MEMO1: variants seen among roughly 807,000 people sequenced by gnomAD.
MEMO1 encodes mediator of cell motility 1.
Under a neutral mutation model 45.2 loss-of-function variants are expected in MEMO1, and 6 were observed. The ratio of observed to expected loss-of-function variants is 0.13; its 90% confidence interval spans 0.07 to 0.26. MEMO1 has a LOEUF of 0.26. MEMO1 is among the 10% of genes least tolerant of loss of function. MEMO1 has a pLI of 1.00. For missense variants in MEMO1, 184 were observed against 370.5 expected (o/e 0.50, Z 4.13); for synonymous variants, 78 against 124.3 (o/e 0.63, Z 2.48).
chr2:31,869,398 T>G (rs890995900), intron 9 of MEMO1, among the ~76,000 whole-genome samples: 5 of 152,158 alleles, frequency 3.3e-5, no homozygotes, highest in Admixed American at 6.5e-5. Context: ...AAATAAACAT[T>G]ATTTTTGTTT....
chr2:31,897,400 T>G (rs192605450), intron 6 of MEMO1, among the ~76,000 whole-genome samples: 11 of 152,322 alleles, frequency 7.2e-5, no homozygotes, highest in Non-Finnish European at 1.6e-4. Context: ...CATCAATATC[T>G]AGTTTATTGA....
chr2:31,921,814 C>G (rs544535054), intron 4 of MEMO1, among the ~76,000 whole-genome samples: 58 of 152,222 alleles, frequency 3.8e-4, no homozygotes, highest in Non-Finnish European at 7.6e-4. Context: ...TATTCCCATT[C>G]AAGTAGAAGT....
intron 3 of MEMO1, among the ~76,000 whole-genome samples, chr2:31,933,348 A>ATATAT (rs869203385): frequency 2.5e-4 from 4 of 16,184 alleles, no homozygotes; most frequent in Admixed American, 1.3e-3. Flanking sequence ...AAAAAAAAAA[A>ATATAT]ATTTATATAT....
At chr2:31,870,296 T>A in intron 8 of MEMO1, among the ~76,000 whole-genome samples, 1 of 152,182 alleles carries the variant, frequency 6.6e-6, no homozygotes, top group Non-Finnish European at 1.5e-5. Context: ...TACACAAAAG[T>A]AAATCTGCTG....
At chr2:31,993,954 T>A (rs1368922307) in intron 2 of MEMO1, among the ~76,000 whole-genome samples, 3 of 120,954 alleles carry the variant, frequency 2.5e-5, no homozygotes, top group Non-Finnish European at 5.2e-5. Context: ...ACTTTCTTTT[T>A]TTTTTTTTTT....
chr2:31,917,528 T>G (rs1368365243), intron 6 of MEMO1, among the ~76,000 whole-genome samples: 2 of 152,122 alleles, frequency 1.3e-5, no homozygotes, highest in African/African-American at 4.8e-5. Flanking sequence ...TTGCACAAGG[T>G]TGAAATAAAT....
intron 2 of MEMO1, among the ~76,000 whole-genome samples, chr2:31,967,791 T>C (rs867256702): frequency 6.6e-6 from 1 of 152,204 alleles, no homozygotes; most frequent in Non-Finnish European, 1.5e-5. Flanking sequence ...TTTTTGAAAA[T>C]GTGTGTTTGT....
At chr2:31,997,436 T>C (rs1672743207) in intron 2 of MEMO1, among the ~76,000 whole-genome samples, 1 of 152,206 alleles carries the variant, frequency 6.6e-6, no homozygotes, top group Non-Finnish European at 1.5e-5. Context: ...GGTTTCACCA[T>C]GTTGGCCAGG....
intron 5 of MEMO1, among the ~76,000 whole-genome samples, chr2:31,920,276 AT>A (rs1421660778): frequency 6.6e-6 from 1 of 152,174 alleles, no homozygotes; most frequent in Non-Finnish European, 1.5e-5. Context: ...ATGGAAAAAA[AT>A]AAATCAACCA....
At chr2:31,872,047 A>AT (rs1673862261) in intron 8 of MEMO1, among the ~76,000 whole-genome samples, 1 of 151,978 alleles carries the variant, frequency 6.6e-6, no homozygotes, top group Non-Finnish European at 1.5e-5. Context: ...ACACACACAA[A>AT]GTTAAACCTA....
In MEMO1 at chr2:31,920,810, T is replaced by C; in HGVS notation, c.313A>G (p.Ile105Val). 2 of 1,591,284 alleles carry C rather than the reference T, an allele frequency of 1.3e-6. No individual in the cohort carries two copies. The highest frequency in any genetic ancestry group is 2.3e-5 in the South Asian group (2 of 88,352). The part of the protein sequence containing the change: ...IYRTPLYDLR[I>V]DQKIYGELWK... Reference sequence around the variant, plus strand: ...TCTATATACTTACTCTTTTGGTCAATACGAAGGTCATACAGAGGTGTCCTA... The same window carrying C: ...TCTATATACTTACTCTTTTGGTCAACACGAAGGTCATACAGAGGTGTCCTA... Residue 105 changes from isoleucine to valine, a missense_variant, in exon 5 of 10, where the codon ATT (isoleucine) becomes GTT (valine). Ile to Val is a conservative substitution (Grantham distance 29). Transcript: ENST00000404530.
At position 31,948,031 on chromosome 2, in the gene MEMO1, C is replaced by T. The variant is rs186183421; in HGVS notation, c.62-4648G>A. On this transcript the variant is annotated intron_variant, in intron 2 of 9. Coordinates refer to ENST00000404530, the MANE Select transcript of MEMO1 (RefSeq NM_001301833.4). ...TCTTGTTGAAATGCTGATTCTGATC[C>T]TACAGTTATACAGTAGGACTGAGAT... is the stretch of plus-strand genomic sequence containing the variant. Among the ~76,000 whole-genome samples, 162 of 152,256 alleles carry T rather than the reference C, an allele frequency of 1.1e-3. 1 individual carries two copies. The highest frequency in any genetic ancestry group is 3.6e-3 in the African/African-American group (150 of 41,540).
intron 2 of MEMO1, among the ~76,000 whole-genome samples, chr2:31,971,251 T>C (rs1669361427): frequency 6.6e-6 from 1 of 152,120 alleles, no homozygotes; most frequent in African/African-American, 2.4e-5. Context: ...AATGTAAGCA[T>C]AAACCTTTTT....
intron 2 of MEMO1, among the ~76,000 whole-genome samples, chr2:31,967,104 C>CA (rs1486370889): frequency 6.7e-6 from 1 of 150,038 alleles, no homozygotes; most frequent in Non-Finnish European, 1.5e-5. Context: ...AATCATTTAC[C>CA]AGTCAATAGT....
intron 2 of MEMO1, among the ~76,000 whole-genome samples, chr2:32,001,941 A>G (rs1673368899): frequency 6.6e-6 from 1 of 151,696 alleles, no homozygotes. Flanking sequence ...AGGTCAGGAG[A>G]TCAAGACCAT....
At chr2:31,920,556 A>T (rs2148174698) in intron 5 of MEMO1, among the ~76,000 whole-genome samples, 1 of 152,286 alleles carries the variant, frequency 6.6e-6, no homozygotes, top group African/African-American at 2.4e-5. Context: ...TATTAATGTA[A>T]CCACTACAAT....
intron 6 of MEMO1, among the ~76,000 whole-genome samples, chr2:31,895,075 G>C (rs1238578857): frequency 6.6e-6 from 1 of 152,188 alleles, no homozygotes; most frequent in Non-Finnish European, 1.5e-5. Context: ...ACCACACATA[G>C]TGGGAGAGAC....
chr2:31,938,500 T>G (rs888990916), intron 3 of MEMO1, among the ~76,000 whole-genome samples: 2 of 151,628 alleles, frequency 1.3e-5, no homozygotes, highest in African/African-American at 2.4e-5. Flanking sequence ...CAAAAAAAAT[T>G]AGCTGGGCAT....
chr2:31,896,637 G>A (rs775941059), intron 6 of MEMO1, among the ~76,000 whole-genome samples: 1 of 152,032 alleles, frequency 6.6e-6, no homozygotes, highest in Non-Finnish European at 1.5e-5. Context: ...TTTGATACCA[G>A]AAACAGAATC....
Sources: gnomAD v4.1 joint callset for allele counts (sites outside exome capture counted in the v4.1 genomes callset) on GRCh38, gnomAD v4.1.1 for gene constraint, MANE v1.5 for transcripts, NCBI Gene and HGNC (gene_info 2026-07-23, HGNC 2026-07-21) for gene names.